Variants in COLEC10 observed in about 807,000 individuals in gnomAD.
COLEC10 encodes collectin-10.
A neutral mutation model predicts 28.4 loss-of-function variants in COLEC10; 22 were observed. That is an observed-to-expected ratio of 0.78 (90% confidence interval 0.55 to 1.11). The LOEUF is 1.11. COLEC10 is among the 50% of genes least tolerant of loss of function. The probability of loss-of-function intolerance (pLI) is 0.00; values close to 1 mark genes in which losing one functional copy is unlikely to be tolerated. For missense variants in COLEC10, 361 were observed against 344.1 expected (o/e 1.05, Z -0.39); for synonymous variants, 125 against 116.1 (o/e 1.08, Z -0.49).
At chr8:118,957,129 C>T in the COLEC10 span, among the ~76,000 whole-genome samples, 2 of 152,150 alleles carry the variant, frequency 1.3e-5, no homozygotes, top group Admixed American at 1.3e-4. Flanking sequence ...GAAAGTATGT[C>T]TCAGCACCAA....
At chr8:118,960,102 A>G in the COLEC10 span, among the ~76,000 whole-genome samples, 2 of 152,152 alleles carry the variant, frequency 1.3e-5, no homozygotes, top group African/African-American at 4.8e-5. Context: ...TCCAGGCAGG[A>G]GAAACAAGGC....
intron 2 of COLEC10, among the ~76,000 whole-genome samples, chr8:119,036,930 G>A (rs551197458): frequency 1.3e-5 from 2 of 152,278 alleles, no homozygotes; most frequent in Non-Finnish European, 2.9e-5. Context: ...GTAGCTGTAG[G>A]TAGAGGGCTC....
chr8:118,962,024 A>T, the COLEC10 span, among the ~76,000 whole-genome samples: 1 of 152,158 alleles, frequency 6.6e-6, no homozygotes, highest in South Asian at 2.1e-4. Context: ...GTTGTTTTGC[A>T]TGACCTAAAA....
chr8:118,957,474 A>T, the COLEC10 span, among the ~76,000 whole-genome samples: 1 of 152,126 alleles, frequency 6.6e-6, no homozygotes, highest in Non-Finnish European at 1.5e-5. Context: ...CAAGGGAGTA[A>T]AGTCAATGAG....
the COLEC10 span, among the ~76,000 whole-genome samples, chr8:118,977,235 C>A: frequency 6.9e-6 from 1 of 144,634 alleles, no homozygotes; most frequent in South Asian, 2.4e-4. Context: ...TTTGAGCCAG[C>A]CATCCCATTA....
Position 119,001,877 on chromosome 8 carries a change from A to G in COLEC10, n.122+6304A>G, listed in dbSNP as rs544202577. Among the ~76,000 whole-genome samples, 7 of 152,344 alleles carry G rather than the reference A, an allele frequency of 4.6e-5. No individual in the cohort carries two copies. In the East Asian group the frequency reaches 1.3e-3, roughly 29 times the overall value. On this transcript the variant is annotated intron_variant and non_coding_transcript_variant, in intron 1 of 6. Coordinates refer to the COLEC10 transcript ENST00000521788. ...TAATTCCTCTATAGTCTTAAAGTTT[A>G]TGATTTACAATATGTGATACCACAG...
intron 5 of COLEC10, among the ~76,000 whole-genome samples, chr8:119,104,448 T>G (rs1158698228): frequency 6.6e-6 from 1 of 152,154 alleles, no homozygotes; most frequent in Non-Finnish European, 1.5e-5. Context: ...AATACAAACA[T>G]AATGTGTTTA....
intron 2 of COLEC10, among the ~76,000 whole-genome samples, chr8:119,046,542 C>T (rs1353544478): frequency 6.6e-6 from 1 of 152,096 alleles, no homozygotes; most frequent in Non-Finnish European, 1.5e-5. Flanking sequence ...ATATTGGCTG[C>T]ATCTTATTTC....
At chr8:119,070,027 C>A (rs1438930929) in intron 1 of COLEC10, among the ~76,000 whole-genome samples, 2 of 152,088 alleles carry the variant, frequency 1.3e-5, no homozygotes, top group African/African-American at 4.8e-5. Context: ...TTTGTGAAAA[C>A]CCAGTAATGC....
chr8:119,049,401 C>CTTT (rs34885340), intron 2 of COLEC10, among the ~76,000 whole-genome samples: 895 of 60,120 alleles, frequency 0.015, 60 homozygotes, highest in East Asian at 0.027. Flanking sequence ...ATTTTCTTTT[C>CTTT]TTTTTTTTTT....
intron 1 of COLEC10, among the ~76,000 whole-genome samples, chr8:118,997,975 T>G (rs1186928050): frequency 6.6e-6 from 1 of 152,190 alleles, no homozygotes; most frequent in Non-Finnish European, 1.5e-5. Flanking sequence ...TGTACTCCAT[T>G]AAGGTGGCAG....
At chr8:118,979,516 A>G in the COLEC10 span, among the ~76,000 whole-genome samples, 7 of 152,040 alleles carry the variant, frequency 4.6e-5, no homozygotes, top group African/African-American at 1.7e-4. Context: ...ATTGTGGCAT[A>G]TTTGTTTTCA....
At position 119,012,832 on chromosome 8, in the gene COLEC10, A is replaced by G. The variant is rs185270386; in HGVS notation, n.235+3279A>G. ...GTGATGTTCCTTTTTCATTTCTGAT[A>G]TTAGTAATTTGTGTCCTTTCTCATT... On this transcript the variant is annotated intron_variant and non_coding_transcript_variant, in intron 2 of 6. Transcript: ENST00000521788. 6.0e-5 allele frequency among the ~76,000 whole-genome samples: 9 copies of G among 150,372 alleles called. No individual in the cohort carries two copies. In the East Asian group the frequency reaches 1.7e-3, roughly 29 times the overall value.
the COLEC10 span, among the ~76,000 whole-genome samples, chr8:118,989,111 AATAAG>A: frequency 6.6e-6 from 1 of 152,198 alleles, no homozygotes; most frequent in Non-Finnish European, 1.5e-5. Context: ...CTAATGGAAA[AATAAG>A]ATAGCAGACG....
At chr8:119,039,147 T>TG (rs1814445514) in intron 2 of COLEC10, among the ~76,000 whole-genome samples, 1 of 152,128 alleles carries the variant, frequency 6.6e-6, no homozygotes, top group Non-Finnish European at 1.5e-5. Context: ...AACCTTCATT[T>TG]GGGGGTGCTC....
chr8:118,972,222 A>G, the COLEC10 span, among the ~76,000 whole-genome samples: 60 of 152,060 alleles, frequency 3.9e-4, no homozygotes, highest in East Asian at 0.01. Flanking sequence ...TTATTCGTGT[A>G]ACTTCATTTC....
At chr8:118,983,183 C>A in the COLEC10 span, among the ~76,000 whole-genome samples, 5 of 152,262 alleles carry the variant, frequency 3.3e-5, no homozygotes, top group Non-Finnish European at 5.9e-5. Flanking sequence ...TCCTAATGAG[C>A]TTTTCCTTTG....
intron 1 of COLEC10, among the ~76,000 whole-genome samples, chr8:119,074,767 C>T (rs1184477759): frequency 6.6e-6 from 1 of 152,174 alleles, no homozygotes; most frequent in Non-Finnish European, 1.5e-5. Flanking sequence ...ATATTGCTTC[C>T]TTTCTGTAGC....
intron 1 of COLEC10, among the ~76,000 whole-genome samples, chr8:119,072,698 A>T (rs889621382): frequency 1.1e-4 from 17 of 152,022 alleles, no homozygotes; most frequent in Non-Finnish European, 2.1e-4. Context: ...TCTTTACTTA[A>T]AGCCCCCTTG....
Sources: gnomAD v4.1 joint callset for allele counts (sites outside exome capture counted in the v4.1 genomes callset) on GRCh38, gnomAD v4.1.1 for gene constraint, MANE v1.5 for transcripts, NCBI Gene and HGNC (gene_info 2026-07-23, HGNC 2026-07-21) for gene names.